Variants in DPCD observed in about 807,000 individuals in gnomAD.
The protein encoded by DPCD is deleted in primary ciliary dyskinesia homolog (mouse).
Under a neutral mutation model 26.4 loss-of-function variants are expected in DPCD, and 20 were observed. The ratio of observed to expected loss-of-function variants is 0.76; its 90% CI spans 0.53 to 1.10. DPCD has a LOEUF of 1.10. DPCD is among the 50% of genes least tolerant of loss of function. The probability of loss-of-function intolerance (pLI) is 0.00; values close to 1 mark genes in which losing one functional copy is unlikely to be tolerated. For missense variants in DPCD, 202 were observed against 253.9 expected (o/e 0.80, Z 1.39); for synonymous variants, 97 against 94.2 (o/e 1.03, Z -0.17).
intron 1 of DPCD, among the ~76,000 whole-genome samples, chr10:101,592,389 A>T (rs1394626381): frequency 6.6e-6 from 1 of 152,086 alleles, no homozygotes; most frequent in Non-Finnish European, 1.5e-5. Context: ...AGACACTCTT[A>T]AAAAACAAAA....
chr10:101,601,594 G>T (rs1415830377), intron 4 of DPCD: 1 of 152,424 alleles, frequency 6.6e-6, no homozygotes, highest in African/African-American at 2.4e-5. Context: ...TTGAATGAAT[G>T]AGATGATGAG....
intron 4 of DPCD, chr10:101,605,081 G>T: frequency 6.5e-7 from 1 of 1,549,884 alleles, no homozygotes; most frequent in Non-Finnish European, 8.7e-7. Context: ...GTGGGTGGGG[G>T]TGCCAAGTTT....
Position 101,602,657 on chromosome 10 carries a change from A to G in DPCD, c.404+1321A>G, listed in dbSNP as rs571051081. Among the ~76,000 whole-genome samples, 27 of 152,346 alleles carry G rather than the reference A, an allele frequency of 1.8e-4. No individual in the cohort carries two copies. In the South Asian group the frequency reaches 4.8e-3, roughly 27 times the overall value. ...TCACTGCCTAAAGTGGAATTTAGCAATTTCAGACAACAGAGAAATTGCCTG... is the reference window on the plus strand; with the variant it reads ...TCACTGCCTAAAGTGGAATTTAGCAGTTTCAGACAACAGAGAAATTGCCTG... On this transcript the variant is annotated intron_variant, in intron 4 of 5. Transcript: ENST00000370151.
chr10:101,609,580 C>G lies in DPCD; in HGVS notation c.*109C>G. On this transcript the variant is annotated 3_prime_UTR_variant, in exon 6 of 6. Coordinates refer to ENST00000370151, the MANE Select transcript of DPCD (RefSeq NM_015448.3). Reference sequence around the variant, plus strand: ...GTCTTCTAGGAGCTATCAAGGGTCTCTAAGAACTGGGCATGGGGCACTCCT... The same window carrying G: ...GTCTTCTAGGAGCTATCAAGGGTCTGTAAGAACTGGGCATGGGGCACTCCT... 1 of 926,368 alleles carries G rather than the reference C, an allele frequency of 1.1e-6. No homozygotes were observed. Among genetic ancestry groups the G allele is most frequent in the Non-Finnish European group, 1.7e-6 (1 of 605,118 alleles). The allele number at this position is 926,368 out of a possible 1,614,324, so 57.4% of individuals were successfully genotyped here. A position where few individuals can be genotyped will look rare whatever the true frequency, so the allele number is the denominator to read the frequency against.
chr10:101,595,622 C>T (rs1480021259), intron 2 of DPCD, among the ~76,000 whole-genome samples: 5 of 152,090 alleles, frequency 3.3e-5, no homozygotes, highest in African/African-American at 9.7e-5. Flanking sequence ...TGTCTAGAAC[C>T]GACAACATGG....
intron 4 of DPCD, among the ~76,000 whole-genome samples, chr10:101,606,361 A>G (rs2063732940): frequency 6.6e-6 from 1 of 152,200 alleles, no homozygotes; most frequent in South Asian, 2.1e-4. Context: ...GGGTTTCACC[A>G]TGTTGGCCAG....
chr10:101,588,349 G>C lies in DPCD; in HGVS notation c.13G>C (p.Gly5Arg). 6.2e-7 allele frequency: 1 copy of C among 1,600,010 alleles called. No individual in the cohort carries two copies. Among genetic ancestry groups the C allele is most frequent in the Non-Finnish European group, 8.5e-7 (1 of 1,171,320 alleles). ...TAGCAGGGGAAAGATGGCGGTGACG[G>C]GCTGGTTGGAGAGTCTGCGGACAGC... MAVT[G>R]WLESLRTAQK... The change falls in exon 1 of 6, where the codon GGC becomes CGC. Residue 5 changes from glycine to arginine, a missense_variant. Transcript: ENST00000370151.
At chr10:101,605,934 T>C (rs1213965020) in intron 4 of DPCD, among the ~76,000 whole-genome samples, 1 of 152,242 alleles carries the variant, frequency 6.6e-6, no homozygotes, top group Non-Finnish European at 1.5e-5. Flanking sequence ...TAAAAGTGGA[T>C]AATAGAAGTA....
intron 1 of DPCD, among the ~76,000 whole-genome samples, chr10:101,592,741 C>T (rs755451102): frequency 4.0e-5 from 6 of 151,144 alleles, no homozygotes; most frequent in Admixed American, 6.6e-5. Flanking sequence ...GTTGGCCGGG[C>T]GTGGTGGCTC....
intron 2 of DPCD, among the ~76,000 whole-genome samples, chr10:101,595,697 G>A (rs945378077): frequency 3.9e-5 from 6 of 152,224 alleles, no homozygotes; most frequent in South Asian, 2.1e-4. Context: ...ATGTTCAGTC[G>A]CACAGTGAAG....
intron 2 of DPCD, among the ~76,000 whole-genome samples, chr10:101,596,016 C>A (rs572546514): frequency 6.6e-6 from 1 of 152,170 alleles, no homozygotes; most frequent in Admixed American, 6.5e-5. Flanking sequence ...CCACACAGAG[C>A]AAATAAAACA....
intron 1 of DPCD, among the ~76,000 whole-genome samples, chr10:101,593,138 T>C (rs1418010144): frequency 4.6e-5 from 7 of 152,198 alleles, no homozygotes; most frequent in Non-Finnish European, 1.0e-4. Context: ...GCATCCTGCC[T>C]GGACTCAAGG....
At chr10:101,594,986 TAAGATGTAGAGAA>T (rs1348308184) in intron 2 of DPCD, among the ~76,000 whole-genome samples, 8 of 152,140 alleles carry the variant, frequency 5.3e-5, no homozygotes, top group Non-Finnish European at 1.2e-4. Context: ...GGAGTAATTC[TAAGATGTAGAGAA>T]ACAGTTGGGA....
intron 4 of DPCD, chr10:101,605,260 G>C (rs1469943116): frequency 6.5e-7 from 1 of 1,544,914 alleles, no homozygotes; most frequent in Non-Finnish European, 8.7e-7. Flanking sequence ...CCCTGCTCCT[G>C]CCTTCAGCCT....
chr10:101,588,631 C>T (rs959587075), intron 1 of DPCD: 1 of 1,362,854 alleles, frequency 7.3e-7, no homozygotes, highest in African/African-American at 1.5e-5. Context: ...GCTCTGATTT[C>T]TGTTGCTAAT....
chr10:101,591,284 G>A lies in DPCD; in HGVS notation c.64+2884G>A, dbSNP rs186789314. Among the ~76,000 whole-genome samples, 18 of 152,318 alleles carry A rather than the reference G, an allele frequency of 1.2e-4. 1 individual carries two copies. The highest frequency in any genetic ancestry group is 1.2e-3 in the Admixed American group (18 of 15,300). ...GTGGATAATGCTGCTCTGAACATGA[G>A]TATACAAATATCCACTTGAGTCCCT... On this transcript the variant is annotated intron_variant, in intron 1 of 5. Coordinates refer to ENST00000370151, the MANE Select transcript of DPCD (RefSeq NM_015448.3).
At position 101,600,606 on chromosome 10, in the gene DPCD, CA is replaced by C. The variant is rs1401697279; in HGVS notation, c.146-130del. The stretch of plus-strand genomic sequence containing the variant: ...ATTAACAAAGCTGAGAGTAAAGGCC[CA>C]ACACTCCCACTTTCATCTTGTGCTA... On this transcript the variant is annotated intron_variant, in intron 2 of 5. Coordinates refer to ENST00000370151, the MANE Select transcript of DPCD (RefSeq NM_015448.3). This position sits in a 1 kb window ranked among gnomAD's most constrained non-coding sequence, Gnocchi z 4.7. 10 of 1,369,940 alleles carry C rather than the reference CA, an allele frequency of 7.3e-6. No individual in the cohort carries two copies. The highest frequency in any genetic ancestry group is 9.8e-6 in the Non-Finnish European group (10 of 1,015,340). 84.9% of individuals were successfully genotyped at this position (1,369,940 alleles called of 1,614,324 possible).
In DPCD at chr10:101,608,152, G is replaced by A. The variant is rs1457969307; in HGVS notation, c.405-683G>A. Among the ~76,000 whole-genome samples, 4 of 152,236 alleles carry A rather than the reference G, an allele frequency of 2.6e-5. No homozygotes were observed. In the East Asian group the frequency reaches 7.7e-4, roughly 29 times the overall value. On this transcript the variant is annotated intron_variant, in intron 4 of 5. Transcript: ENST00000370151. ...ATTAATCGCTGAACCGGCACCTGCA[G>A]ATGATAAGGACCATGTGTGATATGT...
intron 4 of DPCD, among the ~76,000 whole-genome samples, chr10:101,601,980 C>G (rs545619261): frequency 4.6e-5 from 7 of 152,274 alleles, no homozygotes; most frequent in African/African-American, 1.7e-4. Context: ...AAGGTGGCCA[C>G]AGTGCATTTC....
Sources: gnomAD v4.1 joint callset for allele counts (sites outside exome capture counted in the v4.1 genomes callset) on GRCh38, gnomAD v4.1.1 for gene constraint, Gnocchi (gnomAD v3.1) non-coding constraint, MANE v1.5 for transcripts, NCBI Gene and HGNC (gene_info 2026-07-23, HGNC 2026-07-21) for gene names.